IDH3A: variants seen among roughly 807,000 people sequenced by gnomAD.
The protein encoded by IDH3A is isocitrate dehydrogenase (NAD(+)) 3 catalytic subunit alpha.
In IDH3A, 23 loss-of-function variants were observed where a neutral mutation model predicts 43.3. That is an observed-to-expected ratio of 0.53 (90% CI 0.38 to 0.75). The LOEUF (loss-of-function observed/expected upper bound fraction) is 0.75. Among genes scored for constraint, IDH3A ranks in the 30% least tolerant of loss-of-function variants. IDH3A has a pLI of 0.00. For missense variants in IDH3A, 329 were observed against 474.4 expected (o/e 0.69, Z 2.85); for synonymous variants, 154 against 163.5 (o/e 0.94, Z 0.44).
At chr15:78,149,959 G>T (rs1172965283) in intron 1 of IDH3A, among the ~76,000 whole-genome samples, 1 of 152,230 alleles carries the variant, frequency 6.6e-6, no homozygotes, top group African/African-American at 2.4e-5. Context: ...GAATCCGGGG[G>T]CCCTTTTCCC....
At chr15:78,157,129 A>C in intron 2 of IDH3A, 1 of 1,124,240 alleles carries the variant, frequency 8.9e-7, no homozygotes, top group Non-Finnish European at 1.1e-6. Flanking sequence ...GGAAAGGAAA[A>C]CACTTGCCTT....
chr15:78,159,587 G>A (rs890791779), intron 3 of IDH3A, among the ~76,000 whole-genome samples: 1 of 152,180 alleles, frequency 6.6e-6, no homozygotes, highest in African/African-American at 2.4e-5. Context: ...TGGGAGTGAT[G>A]ACTGGGCACA....
At chr15:78,154,612 C>T (rs1372251711) in intron 1 of IDH3A, 1 of 152,150 alleles carries the variant, frequency 6.6e-6, no homozygotes, top group African/African-American at 2.4e-5. Flanking sequence ...ACCTGTAATC[C>T]CACCTACTCA....
intron 1 of IDH3A, 35 bp from the exon 2 acceptor site, chr15:78,155,178 C>T (rs1223160446): frequency 6.6e-7 from 1 of 1,510,152 alleles, no homozygotes; most frequent in Admixed American, 1.7e-5. Flanking sequence ...TGGTTTAATT[C>T]TGTGTGTGAT....
At chr15:78,159,999 A>T (rs899777461) in intron 3 of IDH3A, 93 bp from the exon 4 acceptor site, 5 of 780,500 alleles carry the variant, frequency 6.4e-6, no homozygotes, top group Non-Finnish European at 1.1e-5. Flanking sequence ...TATCTCAAAA[A>T]CGAAGTTGAA....
chr15:78,159,112 C>A (rs147078780), intron 3 of IDH3A, among the ~76,000 whole-genome samples: 16 of 152,290 alleles, frequency 1.1e-4, no homozygotes, highest in African/African-American at 3.8e-4. Flanking sequence ...GGATTACAGG[C>A]GTGAGCCACC....
At position 78,162,289 on chromosome 15, in the gene IDH3A, G is replaced by A. The variant is rs1329563873; in HGVS notation, c.533G>A (p.Arg178His). The change falls in exon 6 of 11, where the codon CGC (arginine) becomes CAC (histidine). Residue 178 changes from arginine (R) to histidine (H), a missense_variant. Around this residue, in one of 3 missense-constraint regions of IDH3A, gnomAD observed 212 missense variants for 345.5 expected, o/e 0.61. Transcript: ENST00000299518. ...CTCATCACCGAGGGGGCGAGCAAGC[G>A]CATTGCTGAGTTTGCCTTTGAGTAT... ...IKLITEGASK[R>H]IAEFAFEYAR... 1 of 1,614,192 alleles carries A rather than the reference G, an allele frequency of 6.2e-7. No homozygotes were observed. Among genetic ancestry groups the A allele is most frequent in the South Asian group, 1.1e-5 (1 of 91,086 alleles).
At chr15:78,150,223 C>T (rs1246397422) in intron 1 of IDH3A, among the ~76,000 whole-genome samples, 1 of 152,168 alleles carries the variant, frequency 6.6e-6, no homozygotes, top group East Asian at 1.9e-4. Flanking sequence ...TCCGTAGCTT[C>T]TCAGTGGAAC....
In IDH3A at chr15:78,162,394, C is replaced by T. The variant is rs762350970; in HGVS notation, c.611+27C>T. On this transcript the variant is annotated intron_variant, in intron 6 of 10. Transcript: ENST00000299518. ...TGAGCTCCTTGCGGGGGCCGGCACC[C>T]CATCTTGCTTTGTTGTGGGAGAGCA... 1.4e-5 allele frequency: 23 copies of T among 1,610,010 alleles called. No homozygotes were observed. The East Asian group carries it at 5.1e-4, about 36-fold the overall frequency.
At chr15:78,163,465 G>A in intron 6 of IDH3A, 42 bp from the exon 7 acceptor site, 2 of 1,395,854 alleles carry the variant, frequency 1.4e-6, no homozygotes, top group Non-Finnish European at 2.0e-6. Flanking sequence ...TTTTCTTTCT[G>A]TAAGACTTTT....
At chr15:78,157,829 T>C (rs1056019873) in intron 3 of IDH3A, among the ~76,000 whole-genome samples, 198 bp downstream of exon 3, 81 of 150,878 alleles carry the variant, frequency 5.4e-4, no homozygotes, top group South Asian at 6.2e-4. Context: ...TCTTTCTTTT[T>C]TTTTTTTTTT....
At chr15:78,168,708 G>C in intron 10 of IDH3A, 1 of 376,488 alleles carries the variant, frequency 2.7e-6, no homozygotes, top group East Asian at 3.9e-5. Flanking sequence ...CTTATTCTTT[G>C]CAGAGTGCTG....
intron 10 of IDH3A, chr15:78,167,570 C>T (rs2074760833): frequency 6.6e-6 from 1 of 152,206 alleles, no homozygotes; most frequent in Admixed American, 6.5e-5. Context: ...ATGTTAAGTA[C>T]ATTCACATTG....
chr15:78,154,894 A>C (rs113546004), intron 1 of IDH3A: 15 of 207,390 alleles, frequency 7.2e-5, no homozygotes, highest in African/African-American at 3.0e-4. Context: ...TGATCCACTC[A>C]TCTGAGAAGA....
chr15:78,166,405 C>A, intron 10 of IDH3A, 103 bp downstream of exon 10: 1 of 1,198,812 alleles, frequency 8.3e-7, no homozygotes, highest in Non-Finnish European at 1.2e-6. Flanking sequence ...TCAGGCGGGC[C>A]CAAGCATTTG....
At chr15:78,154,363 C>G (rs779492094) in intron 1 of IDH3A, 15 of 152,100 alleles carry the variant, frequency 9.9e-5, no homozygotes, top group Non-Finnish European at 2.1e-4. Flanking sequence ...TTCTGTATGG[C>G]ATGGGCATCA....
chr15:78,163,087 A>C (rs1595870280), intron 6 of IDH3A, among the ~76,000 whole-genome samples: 2 of 152,356 alleles, frequency 1.3e-5, no homozygotes, highest in African/African-American at 4.8e-5. Flanking sequence ...CCAGCAACTT[A>C]AATTCTCATC....
In IDH3A at chr15:78,171,437, G is replaced by C; in HGVS notation, c.*2432G>C. 3 of 1,612,196 alleles carry C rather than the reference G, an allele frequency of 1.9e-6. No individual in the cohort carries two copies. Among genetic ancestry groups the C allele is most frequent in the Non-Finnish European group, 2.5e-6 (3 of 1,178,294 alleles). ...TATTCTATAGAAACTGCAGGCATAGGCCCTGATTACATTTTTTGCTCTTGG... is the reference window on the plus strand; with the variant it reads ...TATTCTATAGAAACTGCAGGCATAGCCCCTGATTACATTTTTTGCTCTTGG... On this transcript the variant is annotated 3_prime_UTR_variant, in exon 11 of 11. Transcript: ENST00000299518.
At chr15:78,153,878 G>A (rs984578048) in intron 1 of IDH3A, among the ~76,000 whole-genome samples, 8 of 152,032 alleles carry the variant, frequency 5.3e-5, no homozygotes, top group Non-Finnish European at 8.8e-5. Context: ...AAGATTAGCC[G>A]GGCATGGTGG....
Sources: gnomAD v4.1 joint callset for allele counts (sites outside exome capture counted in the v4.1 genomes callset) on GRCh38, gnomAD v4.1.1 for gene constraint, gnomAD v4.1.1 regional missense constraint, MANE v1.5 for transcripts, NCBI Gene and HGNC (gene_info 2026-07-23, HGNC 2026-07-21) for gene names.